SPAG16: variants seen among roughly 807,000 people sequenced by gnomAD.
SPAG16 encodes the protein sperm-associated antigen 16 protein.
A neutral mutation model predicts 80.4 loss-of-function variants in SPAG16; 86 were observed. The observed-to-expected ratio is 1.07, with a 90% CI of 0.90 to 1.28. The LOEUF (loss-of-function observed/expected upper bound fraction) is 1.28. Ranked by LOEUF, SPAG16 falls within the 50% of genes most tolerant of loss-of-function variation. The probability of loss-of-function intolerance (pLI) is 0.00; values close to 1 mark genes in which losing one functional copy is unlikely to be tolerated. For missense variants in SPAG16, 870 were observed against 765.3 expected, an observed-to-expected ratio of 1.14 and a Z score of -1.61; for synonymous variants, 294 against 265.9, an observed-to-expected ratio of 1.11 and a Z score of -1.03.
At chr2:214,357,376 A>G (rs537417384) in intron 15 of SPAG16, among the ~76,000 whole-genome samples, 2 of 151,874 alleles carry the variant, frequency 1.3e-5, no homozygotes, top group South Asian at 4.1e-4. Context: ...CTTTTTGTCA[A>G]CTTTAATATT....
chr2:213,317,164 A>G, intron 4 of SPAG16, 55 bp from the exon 5 acceptor site: 1 of 1,175,472 alleles, frequency 8.5e-7, no homozygotes, highest in Non-Finnish European at 1.2e-6. Context: ...TACATAAATT[A>G]AGCCAATTTG....
chr2:213,780,703 T>G (rs537028050), intron 10 of SPAG16, among the ~76,000 whole-genome samples: 1 of 152,194 alleles, frequency 6.6e-6, no homozygotes, highest in African/African-American at 2.4e-5. Flanking sequence ...GAATAATTTA[T>G]GTACTATTAC....
At chr2:213,452,078 A>G (rs1316663441) in intron 9 of SPAG16, among the ~76,000 whole-genome samples, 2 of 152,084 alleles carry the variant, frequency 1.3e-5, no homozygotes, top group Non-Finnish European at 2.9e-5. Flanking sequence ...TTGTATGTGA[A>G]GTTTGGTGAT....
At chr2:213,741,520 A>C (rs546894530) in intron 10 of SPAG16, among the ~76,000 whole-genome samples, 1 of 152,330 alleles carries the variant, frequency 6.6e-6, no homozygotes, top group African/African-American at 2.4e-5. Context: ...ATAAAATGAT[A>C]CACAGAGATG....
intron 9 of SPAG16, among the ~76,000 whole-genome samples, chr2:213,479,431 A>G (rs866438789): frequency 6.6e-6 from 1 of 152,054 alleles, no homozygotes; most frequent in Non-Finnish European, 1.5e-5. Context: ...TCAATATATT[A>G]TAAGCTACAT....
chr2:213,986,515 A>T (rs2046011379), intron 12 of SPAG16, among the ~76,000 whole-genome samples: 1 of 152,022 alleles, frequency 6.6e-6, no homozygotes, highest in Admixed American at 6.6e-5. Context: ...TCCACAAAAA[A>T]TAGTATATTT....
At position 213,956,599 on chromosome 2, in the gene SPAG16, C is replaced by G. The variant is rs902868809; in HGVS notation, c.1400+26454C>G. Reference sequence around the variant, plus strand: ...AGTAACTGGGATTACAGGTGCATGCCACGACGCCTGGCTAATTTTTGTATT... The same window carrying G: ...AGTAACTGGGATTACAGGTGCATGCGACGACGCCTGGCTAATTTTTGTATT... On this transcript the variant is annotated intron_variant, in intron 12 of 15. Transcript: ENST00000331683. Among the ~76,000 whole-genome samples the G allele has an allele frequency of 3.3e-5, 5 of 151,848 alleles. No homozygotes were observed. In the South Asian group the frequency reaches 1.0e-3, roughly 32 times the overall value.
intron 10 of SPAG16, among the ~76,000 whole-genome samples, chr2:213,737,336 A>AT (rs2067327309): frequency 6.6e-6 from 1 of 151,994 alleles, no homozygotes. Context: ...TACTCTTTAT[A>AT]TTTTTTGTTG....
At chr2:214,260,121 TA>T (rs1364096838) in intron 15 of SPAG16, among the ~76,000 whole-genome samples, 3 of 152,108 alleles carry the variant, frequency 2.0e-5, no homozygotes, top group Middle Eastern at 3.4e-3. Flanking sequence ...ATTTTTATAT[TA>T]AAAAAACAGA....
chr2:214,071,549 T>C (rs2050788046), intron 13 of SPAG16, among the ~76,000 whole-genome samples: 1 of 152,024 alleles, frequency 6.6e-6, no homozygotes, highest in Non-Finnish European at 1.5e-5. Context: ...CTTGAAAAAC[T>C]AAGGTACTGA....
rs2062541418 is a variant in SPAG16, at chr2:213,297,254, T to C, written c.184-8T>C. 6.3e-7 allele frequency: 1 copy of C among 1,594,920 alleles called. No homozygotes were observed. On this transcript the variant is annotated splice_polypyrimidine_tract_variant and splice_region_variant and intron_variant, in intron 2 of 15. Transcript: ENST00000331683. ...CTCTTCCTATCCTTCTCTTTCTCTG[T>C]GATCTAGATACCAGATGACAATTTT...
chr2:214,238,222 G>T (rs1410630250), intron 15 of SPAG16: 2 of 425,256 alleles, frequency 4.7e-6, no homozygotes, highest in African/African-American at 2.1e-5. Flanking sequence ...GTTGCCAATG[G>T]TAGGACTGCA....
At chr2:213,363,799 A>T (rs1338347721) in intron 7 of SPAG16, among the ~76,000 whole-genome samples, 1 of 152,102 alleles carries the variant, frequency 6.6e-6, no homozygotes, top group Non-Finnish European at 1.5e-5. Context: ...ATTAAAGTGT[A>T]CAATGAGTAT....
At chr2:214,253,487 G>A (rs1216215805) in intron 15 of SPAG16, among the ~76,000 whole-genome samples, 1 of 152,102 alleles carries the variant, frequency 6.6e-6, no homozygotes, top group Non-Finnish European at 1.5e-5. Flanking sequence ...TGTATAAGGT[G>A]TAAGAAACGG....
chr2:213,656,978 C>A (rs1010589021), intron 10 of SPAG16, among the ~76,000 whole-genome samples: 1 of 152,098 alleles, frequency 6.6e-6, no homozygotes, highest in African/African-American at 2.4e-5. Context: ...CGTTTCATTT[C>A]TTTAGATCTT....
chr2:213,304,460 TC>T (rs1434083281), intron 3 of SPAG16, among the ~76,000 whole-genome samples: 1 of 152,134 alleles, frequency 6.6e-6, no homozygotes, highest in Non-Finnish European at 1.5e-5. Context: ...CAGACCAGTG[TC>T]CTGAAGAGTT....
chr2:214,297,338 T>C (rs1694208387), intron 15 of SPAG16, among the ~76,000 whole-genome samples: 1 of 152,152 alleles, frequency 6.6e-6, no homozygotes, highest in Non-Finnish European at 1.5e-5. Context: ...TTTTTGTTTT[T>C]GTTGCACTTG....
intron 10 of SPAG16, among the ~76,000 whole-genome samples, chr2:213,549,655 T>C (rs1029188358): frequency 6.6e-6 from 1 of 152,324 alleles, no homozygotes; most frequent in Non-Finnish European, 1.5e-5. Context: ...AAAGTAATCT[T>C]GCCCCATCCC....
chr2:213,768,373 G>T (rs1053751583), intron 10 of SPAG16, among the ~76,000 whole-genome samples: 1 of 152,210 alleles, frequency 6.6e-6, no homozygotes, highest in Non-Finnish European at 1.5e-5. Context: ...AGAGTGGATT[G>T]CAGATGAGCA....
Sources: gnomAD v4.1 joint callset for allele counts (sites outside exome capture counted in the v4.1 genomes callset) on GRCh38, gnomAD v4.1.1 for gene constraint, MANE v1.5 for transcripts, NCBI Gene and HGNC (gene_info 2026-07-23, HGNC 2026-07-21) for gene names.